The following HIP1 variants were observed in gnomAD, a reference collection of about 807,000 sequenced individuals.
HIP1 encodes the protein huntingtin interacting protein 1.
In HIP1, 65 loss-of-function variants were observed where a neutral mutation model predicts 147.6. The ratio of observed to expected loss-of-function variants is 0.44; its 90% confidence interval spans 0.36 to 0.54. The LOEUF (loss-of-function observed/expected upper bound fraction) is 0.54, where lower values mean the gene tolerates loss of function less well. HIP1 is among the 20% of genes least tolerant of loss of function. HIP1 has a pLI of 0.00. For missense variants in HIP1, 1,061 were observed against 1,299.6 expected (o/e 0.82, Z 2.82); for synonymous variants, 479 against 504.0 (o/e 0.95, Z 0.67).
In HIP1 at chr7:75,581,596, C is replaced by T. The variant is rs180731350; in HGVS notation, c.543-298G>A. Among the ~76,000 whole-genome samples, 13 of 152,098 alleles carry T rather than the reference C, an allele frequency of 8.5e-5. 1 individual carries two copies. The highest frequency in any genetic ancestry group is 6.8e-3 in the Middle Eastern group (2 of 294). On this transcript the variant is annotated intron_variant, in intron 6 of 30. Coordinates refer to ENST00000336926, the MANE Select transcript of HIP1 (RefSeq NM_005338.7). ...GAGTTCAAGACCAGCCTGGCCAACG[C>T]GGCGAAACCCCATCTCTACTAAAAA...
chr7:75,653,096 A>T (rs1311492239), intron 1 of HIP1, among the ~76,000 whole-genome samples: 1 of 151,942 alleles, frequency 6.6e-6, no homozygotes, highest in African/African-American at 2.4e-5. Context: ...TAAATAACAT[A>T]TATGTTGGCT....
intron 5 of HIP1, among the ~76,000 whole-genome samples, chr7:75,583,721 T>C (rs1554499026): frequency 2.7e-5 from 4 of 150,200 alleles, no homozygotes; most frequent in Non-Finnish European, 1.5e-5. Flanking sequence ...CCTCAGTAGC[T>C]GGTACTACAG....
chr7:75,650,016 T>C (rs1219743668), intron 1 of HIP1, among the ~76,000 whole-genome samples: 2 of 152,080 alleles, frequency 1.3e-5, no homozygotes, highest in Non-Finnish European at 2.9e-5. Flanking sequence ...GGCTGAGCTA[T>C]ATGGAGATGC....
Position 75,563,209 on chromosome 7 carries a change from A to C in HIP1, c.858T>G (p.Ile286Met), listed in dbSNP as rs1554494934. 6.2e-7 allele frequency: 1 copy of C among 1,614,192 alleles called. No individual in the cohort carries two copies. The change falls in exon 10 of 31, where the codon ATT (isoleucine) becomes ATG (methionine). Residue 286 changes from isoleucine (I) to methionine (M), a missense_variant. Transcript: ENST00000336926. ...SSNLQYFKRL[I>M]QIPQLPENPP... Reference sequence around the variant, plus strand: ...TTACCTCAGGCAGCTGGGGGATCTGAATGAGCCGCTTGAAGTACTGCAGGT... The same window carrying C: ...TTACCTCAGGCAGCTGGGGGATCTGCATGAGCCGCTTGAAGTACTGCAGGT...
chr7:75,670,264 C>T (rs1394634825), intron 1 of HIP1, among the ~76,000 whole-genome samples: 4 of 152,106 alleles, frequency 2.6e-5, no homozygotes, highest in Admixed American at 2.6e-4. Context: ...CATCCTTCCA[C>T]CTCAGCCTCC....
chr7:75,667,825 A>G (rs1468828900), intron 1 of HIP1, among the ~76,000 whole-genome samples: 3 of 152,238 alleles, frequency 2.0e-5, no homozygotes, highest in Non-Finnish European at 4.4e-5. Context: ...TTACTTATTT[A>G]TTAATGCATT....
chr7:75,604,045 C>G (rs587688641), intron 1 of HIP1, among the ~76,000 whole-genome samples: 1 of 152,266 alleles, frequency 6.6e-6, no homozygotes, highest in African/African-American at 2.4e-5. Context: ...CAAGCACTGT[C>G]TTCCCTGTAC....
intron 1 of HIP1, among the ~76,000 whole-genome samples, chr7:75,607,086 T>C (rs1461167090): frequency 4.6e-5 from 7 of 151,432 alleles, no homozygotes; most frequent in African/African-American, 1.7e-4. Context: ...TTTTTTTAAA[T>C]AGCCAGGTGT....
chr7:75,731,521 A>G (rs12533075), intron 1 of HIP1, among the ~76,000 whole-genome samples: 48,562 of 147,588 alleles, frequency 0.33, 8,271 homozygotes, highest in Non-Finnish European at 0.36. Context: ...ATTGTCAAGT[A>G]AATGGAAAAA....
At chr7:75,586,879 C>T in intron 4 of HIP1, 46 bp from the exon 5 acceptor site, 2 of 1,157,528 alleles carry the variant, frequency 1.7e-6, no homozygotes, top group East Asian at 2.4e-5. Context: ...AAGAACATAA[C>T]AGTCAAGAGA....
intron 6 of HIP1, 149 bp from the exon 7 acceptor site, chr7:75,581,447 T>A: frequency 1.6e-6 from 1 of 636,290 alleles, no homozygotes; most frequent in Non-Finnish European, 2.8e-6. Context: ...GTCTTAGCCT[T>A]GTGGGTATTA....
At chr7:75,675,957 G>A (rs183585524) in intron 1 of HIP1, among the ~76,000 whole-genome samples, 1 of 152,304 alleles carries the variant, frequency 6.6e-6, no homozygotes, top group Non-Finnish European at 1.5e-5. Context: ...CTCAGGGACT[G>A]TTGGCATTGA....
intron 6 of HIP1, among the ~76,000 whole-genome samples, chr7:75,581,606 C>T (rs1216812773): frequency 6.6e-5 from 10 of 152,144 alleles, no homozygotes; most frequent in Admixed American, 6.5e-4. Context: ...CGGCGAAACC[C>T]CATCTCTACT....
Position 75,556,731 on chromosome 7 carries a change from G to T in HIP1, c.1662C>A (p.Gly554=). The part of the protein sequence containing the change: ...TSQRELQVLQ[G]SLETSAQSEA... ...TTACCTGGGCAGAAGTTTCCAGGCT[G>T]CCTTGCAGAACCTGAAGCTCCCGTT... The change falls in exon 17 of 31, where the codon GGC becomes GGA. Residue 554 remains glycine (G), a synonymous_variant. Coordinates refer to ENST00000336926, the MANE Select transcript of HIP1 (RefSeq NM_005338.7). 6.2e-6 allele frequency: 10 copies of T among 1,611,354 alleles called. No individual in the cohort carries two copies. The highest frequency in any genetic ancestry group is 8.5e-6 in the Non-Finnish European group (10 of 1,177,704).
chr7:75,619,515 C>CAAAAAAA (rs587631989), intron 1 of HIP1, among the ~76,000 whole-genome samples: 21 of 109,556 alleles, frequency 1.9e-4, no homozygotes, highest in African/African-American at 4.7e-4. Context: ...GACTTTGTCT[C>CAAAAAAA]AAAAAAAAAA....
At chr7:75,667,246 G>A (rs2117234996) in intron 1 of HIP1, among the ~76,000 whole-genome samples, 1 of 152,144 alleles carries the variant, frequency 6.6e-6, no homozygotes, top group South Asian at 2.1e-4. Flanking sequence ...CTGAGAATTT[G>A]AATAAATAAA....
At chr7:75,676,601 A>AC (rs1554516058) in intron 1 of HIP1, among the ~76,000 whole-genome samples, 2 of 151,322 alleles carry the variant, frequency 1.3e-5, no homozygotes, top group Non-Finnish European at 2.9e-5. Flanking sequence ...ACATGGTGAA[A>AC]CCCCGTCTCT....
chr7:75,576,041 A>G (rs1301958976), intron 7 of HIP1, among the ~76,000 whole-genome samples: 2 of 152,190 alleles, frequency 1.3e-5, no homozygotes, highest in African/African-American at 4.8e-5. Flanking sequence ...TCCAACTGGC[A>G]GGAACCACGG....
At chr7:75,553,188 T>G (rs587704224) in intron 22 of HIP1, among the ~76,000 whole-genome samples, 1 of 152,238 alleles carries the variant, frequency 6.6e-6, no homozygotes, top group East Asian at 1.9e-4. Flanking sequence ...TCTGCCCACC[T>G]CAGCCTCCCA....
Sources: allele counts gnomAD v4.1 joint callset (sites outside exome capture counted in the v4.1 genomes callset), GRCh38; gene constraint gnomAD v4.1.1; transcripts MANE v1.5; gene names NCBI Gene and HGNC (gene_info 2026-07-23, HGNC 2026-07-21).